PCBP3: variants seen among roughly 807,000 people sequenced by gnomAD.
PCBP3 encodes the protein poly(rC) binding protein 3, also known as poly(rC)-binding protein 3.
A neutral mutation model predicts 52.7 loss-of-function variants in PCBP3; 25 were observed. The ratio of observed to expected loss-of-function variants is 0.47; its 90% confidence interval spans 0.35 to 0.66. PCBP3 has a LOEUF of 0.66. PCBP3 is among the 30% of genes least tolerant of loss of function. The pLI is 0.01. For synonymous variants in PCBP3, 162 were observed against 183.0 expected (o/e 0.89, Z 0.93); for missense variants, 391 against 490.3 (o/e 0.80, Z 1.91).
rs55993830 is a variant in PCBP3 at position 45,845,504 on chromosome 21, G to A, written c.-125-4457G>A. The stretch of plus-strand genomic sequence containing the variant: ...GTGTGTGAGCTGCTTAAGCACCCGC[G>A]TGTACACGTTTGTGAGTGTGTGCCT... On this transcript the variant is annotated intron_variant, in intron 4 of 17. Coordinates refer to ENST00000681687, the MANE Select transcript of PCBP3 (RefSeq NM_001384156.1). Among the ~76,000 whole-genome samples the A allele has an allele frequency of 9.7e-3, 1,463 of 150,954 alleles. 24 individuals are homozygous for A. The highest frequency in any genetic ancestry group is 0.033 in the African/African-American group (1,343 of 40,992).
At chr21:45,666,051 G>A (rs2080773130) in intron 1 of PCBP3, among the ~76,000 whole-genome samples, 1 of 152,070 alleles carries the variant, frequency 6.6e-6, no homozygotes, top group Admixed American at 6.6e-5. Flanking sequence ...TGCAGAAAAA[G>A]CATTTAATAA....
intron 17 of PCBP3, among the ~76,000 whole-genome samples, 163 bp from the exon 18 acceptor site, chr21:45,941,507 G>C (rs2077467512): frequency 6.6e-6 from 1 of 152,170 alleles, no homozygotes; most frequent in African/African-American, 2.4e-5. Flanking sequence ...GCGGGGAAGA[G>C]GCCTGTGTGC....
At chr21:45,728,967 G>A (rs1247492498) in intron 2 of PCBP3, among the ~76,000 whole-genome samples, 1 of 152,078 alleles carries the variant, frequency 6.6e-6, no homozygotes, top group Non-Finnish European at 1.5e-5. Flanking sequence ...TGTACAATTT[G>A]GTGCATTCAG....
chr21:45,835,054 A>T (rs2093550827), intron 4 of PCBP3, among the ~76,000 whole-genome samples: 1 of 152,206 alleles, frequency 6.6e-6, no homozygotes, highest in Non-Finnish European at 1.5e-5. Context: ...GCCTCTGCTG[A>T]CACGGGGGCT....
At chr21:45,828,005 T>G (rs1362348636) in intron 4 of PCBP3, 1 of 152,326 alleles carries the variant, frequency 6.6e-6, no homozygotes, top group African/African-American at 2.4e-5. Context: ...CTGTGTCAGC[T>G]GTGGCTCTTG....
intron 5 of PCBP3, among the ~76,000 whole-genome samples, chr21:45,859,499 A>G (rs1237699084): frequency 6.6e-6 from 1 of 152,240 alleles, no homozygotes; most frequent in African/African-American, 2.4e-5. Flanking sequence ...GGAAACTCCA[A>G]GGTGGCCCTT....
chr21:45,817,595 G>C lies in PCBP3; in HGVS notation c.-125-32366G>C, dbSNP rs555858231. Among the ~76,000 whole-genome samples, 1 of 152,234 alleles carries C rather than the reference G, an allele frequency of 6.6e-6. No individual in the cohort carries two copies. Among genetic ancestry groups the C allele is most frequent in the African/African-American group, 2.4e-5 (1 of 41,466 alleles). On this transcript the variant is annotated intron_variant, in intron 4 of 17. Transcript: ENST00000681687. This position sits in a 1 kb window ranked among gnomAD's most constrained non-coding sequence, Gnocchi z 4.3. ...CAGCTTGTGTGTGTGCTGCACTGCC[G>C]TGAGCAGCAACTTGACAGTGGACGC...
At chr21:45,891,183 C>T (rs1170016149) in intron 5 of PCBP3, among the ~76,000 whole-genome samples, 4 of 142,726 alleles carry the variant, frequency 2.8e-5, no homozygotes, top group Non-Finnish European at 6.2e-5. Flanking sequence ...CGCCGTGCCG[C>T]AGTCTTGAAC....
In PCBP3 at chr21:45,827,970, A is replaced by G. The variant is rs890897656; in HGVS notation, c.-125-21991A>G. The G allele has an allele frequency of 6.6e-6, 1 of 152,304 alleles. No homozygotes were observed. The highest frequency in any genetic ancestry group is 2.4e-5 in the African/African-American group (1 of 41,444). 9.4% of individuals were successfully genotyped at this position (152,304 alleles called of 1,614,324 possible). On this transcript the variant is annotated intron_variant, in intron 4 of 17. Transcript: ENST00000681687. This position sits in a 1 kb window ranked among gnomAD's most constrained non-coding sequence, Gnocchi z 4.3. ...GTCCTCAGATGCCAGTGGCTGATACATAGACAAGTTTATTTCCTGTTCACC... is the reference window on the plus strand; with the variant it reads ...GTCCTCAGATGCCAGTGGCTGATACGTAGACAAGTTTATTTCCTGTTCACC...
intron 12 of PCBP3, chr21:45,914,599 T>C (rs150017125): frequency 6.5e-6 from 1 of 154,972 alleles, no homozygotes; most frequent in Non-Finnish European, 1.4e-5. Context: ...GATCTGGCTC[T>C]TTTGGTTTCA....
chr21:45,728,972 A>G (rs563114631), intron 2 of PCBP3, among the ~76,000 whole-genome samples: 16 of 152,326 alleles, frequency 1.1e-4, no homozygotes, highest in Non-Finnish European at 1.8e-4. Context: ...AATTTGGTGC[A>G]TTCAGAATGT....
In PCBP3 at chr21:45,800,502, C is replaced by T. The variant is rs1043980264; in HGVS notation, c.-126+45050C>T. Among the ~76,000 whole-genome samples, 11 of 152,178 alleles carry T rather than the reference C, an allele frequency of 7.2e-5. No individual in the cohort carries two copies. Among genetic ancestry groups the T allele is most frequent in the Non-Finnish European group, 7.4e-5 (5 of 68,024 alleles). ...TTGTGGGCGTGTCCTGAGGTGTGTGCCTGACCTGACCCTGAGGCCCCCTCC... is the reference window on the plus strand; with the variant it reads ...TTGTGGGCGTGTCCTGAGGTGTGTGTCTGACCTGACCCTGAGGCCCCCTCC... On this transcript the variant is annotated intron_variant, in intron 4 of 17. Coordinates refer to ENST00000681687, the MANE Select transcript of PCBP3 (RefSeq NM_001384156.1). The surrounding 1 kb of genome is among the most constrained non-coding windows in gnomAD (Gnocchi z 5.3).
Position 45,941,715 on chromosome 21 carries a change from A to G in PCBP3, c.*9A>G. 2 of 1,600,852 alleles carry G rather than the reference A, an allele frequency of 1.2e-6. No individual in the cohort carries two copies. The highest frequency in any genetic ancestry group is 1.7e-6 in the Non-Finnish European group (2 of 1,173,528). On this transcript the variant is annotated 3_prime_UTR_variant, in exon 18 of 18. Transcript: ENST00000681687. The stretch of plus-strand genomic sequence containing the variant: ...GGATGGGCACGCTGTAATCCTACCC[A>G]GCACCCTTCCCCCGCGTCACCCACC...
chr21:45,874,364 C>T (rs900946821), intron 5 of PCBP3, among the ~76,000 whole-genome samples: 2 of 152,162 alleles, frequency 1.3e-5, no homozygotes, highest in African/African-American at 2.4e-5. Flanking sequence ...AATATGTTTT[C>T]TAATTCTCGG....
In PCBP3 at chr21:45,738,039, C is replaced by A. The variant is rs148179615; in HGVS notation, c.-162+2610C>A. ...TGCCTTCCCTGGGCTGTGTGTGGTC[C>A]GTGCAGACCTCTCAGGTCCACTTCA... On this transcript the variant is annotated intron_variant, in intron 3 of 17. Coordinates refer to ENST00000681687, the MANE Select transcript of PCBP3 (RefSeq NM_001384156.1). Among the ~76,000 whole-genome samples the A allele has an allele frequency of 2.0e-5, 3 of 152,212 alleles. No individual in the cohort carries two copies. In the East Asian group the frequency reaches 5.8e-4, roughly 29 times the overall value.
rs903004878 is a variant in PCBP3 at position 45,830,058 on chromosome 21, T to C, written c.-125-19903T>C. On this transcript the variant is annotated intron_variant, in intron 4 of 17. Coordinates refer to ENST00000681687, the MANE Select transcript of PCBP3 (RefSeq NM_001384156.1). This position sits in a 1 kb window ranked among gnomAD's most constrained non-coding sequence, Gnocchi z 4.4. ...GGCCTCCCTGGGCCTCCAAGAGCCA[T>C]GTTTCCCTAGGCAAGTAGGAGGCTG... The C allele has an allele frequency of 6.5e-6, 1 of 152,694 alleles. No homozygotes were observed. Among genetic ancestry groups the C allele is most frequent in the East Asian group, 1.9e-4 (1 of 5,190 alleles). The allele number at this position is 152,694 out of a possible 1,614,324, so 9.5% of individuals were successfully genotyped here.
intron 5 of PCBP3, among the ~76,000 whole-genome samples, chr21:45,865,572 C>T (rs2148518632): frequency 6.6e-6 from 1 of 152,328 alleles, no homozygotes; most frequent in Non-Finnish European, 1.5e-5. Context: ...AGCGGCGTGT[C>T]CTCTGGCACC....
chr21:45,653,689 G>A lies in PCBP3; in HGVS notation c.-279+9821G>A, dbSNP rs543038959. Among the ~76,000 whole-genome samples the A allele has an allele frequency of 3.3e-5, 5 of 152,002 alleles. No individual in the cohort carries two copies. In the South Asian group the frequency reaches 1.0e-3, roughly 32 times the overall value. On this transcript the variant is annotated intron_variant, in intron 1 of 17. Coordinates refer to ENST00000681687, the MANE Select transcript of PCBP3 (RefSeq NM_001384156.1). ...TTTTTCATTCAATCTGACAGTCTTT[G>A]TCTTTTAATTGGAACAGTTCATTTA...
intron 2 of PCBP3, among the ~76,000 whole-genome samples, chr21:45,718,206 CCTT>C (rs941952115): frequency 8.2e-5 from 12 of 147,050 alleles, no homozygotes; most frequent in Admixed American, 1.3e-4. Flanking sequence ...AGTCTTCTCT[CCTT>C]TTTTTTTTTT....
Sources: allele counts gnomAD v4.1 joint callset (sites outside exome capture counted in the v4.1 genomes callset), GRCh38; gene constraint gnomAD v4.1.1; non-coding constraint Gnocchi (gnomAD v3.1); transcripts MANE v1.5; gene names NCBI Gene and HGNC (gene_info 2026-07-23, HGNC 2026-07-21).